Variants in PBX1 observed in about 807,000 individuals in gnomAD.
PBX1 encodes the protein PBX homeobox 1.
Under a neutral mutation model 53.4 loss-of-function variants are expected in PBX1, and 6 were observed. The ratio of observed to expected loss-of-function variants is 0.11; its 90% CI spans 0.06 to 0.22. The LOEUF (loss-of-function observed/expected upper bound fraction) is 0.22. Among genes scored for constraint, PBX1 ranks in the 10% least tolerant of loss-of-function variants. The pLI is 1.00. For missense variants in PBX1, 251 were observed against 551.4 expected (o/e 0.46, Z 5.46); for synonymous variants, 204 against 212.3 (o/e 0.96, Z 0.34).
intron 8 of PBX1, among the ~76,000 whole-genome samples, chr1:164,844,708 A>ATC (rs1419020289): frequency 2.6e-5 from 4 of 152,218 alleles, no homozygotes; most frequent in African/African-American, 9.6e-5. Context: ...TGGCACCAGA[A>ATC]TCTATATTCC....
intron 2 of PBX1, among the ~76,000 whole-genome samples, chr1:164,572,846 T>C (rs2101716504): frequency 6.6e-6 from 1 of 152,336 alleles, no homozygotes; most frequent in South Asian, 2.1e-4. Context: ...CAGTTTGGCC[T>C]TGTCGGTTCA....
intron 2 of PBX1, among the ~76,000 whole-genome samples, chr1:164,635,410 T>TA (rs1350036203): frequency 1.3e-5 from 2 of 152,178 alleles, no homozygotes; most frequent in African/African-American, 4.8e-5. Context: ...TGCGACTTAG[T>TA]AAAAATGACA....
rs535545542 is a variant in PBX1 at position 164,596,684 on chromosome 1, G to T, written c.265+33373G>T. On this transcript the variant is annotated intron_variant, in intron 2 of 8. Coordinates refer to ENST00000420696, the MANE Select transcript of PBX1 (RefSeq NM_002585.4). ...CAGAAGCTTCTGTTCCATTCATCCTGATTTTAGACACAGCATTTAACTTTT... is the reference window on the plus strand; with the variant it reads ...CAGAAGCTTCTGTTCCATTCATCCTTATTTTAGACACAGCATTTAACTTTT... Among the ~76,000 whole-genome samples, 3 of 152,254 alleles carry T rather than the reference G, an allele frequency of 2.0e-5. No homozygotes were observed. In the East Asian group the frequency reaches 5.8e-4, roughly 29 times the overall value.
At chr1:164,718,078 A>G (rs1394142873) in intron 2 of PBX1, among the ~76,000 whole-genome samples, 2 of 152,352 alleles carry the variant, frequency 1.3e-5, no homozygotes, top group African/African-American at 4.8e-5. Context: ...AAGGGGACAC[A>G]TGCTTTAAGT....
intron 2 of PBX1, among the ~76,000 whole-genome samples, chr1:164,718,400 A>T (rs1664227249): frequency 6.6e-6 from 1 of 152,160 alleles, no homozygotes; most frequent in African/African-American, 2.4e-5. Flanking sequence ...TTGAGGACAT[A>T]ACTCTGAGTG....
intron 2 of PBX1, among the ~76,000 whole-genome samples, chr1:164,717,807 G>A (rs1265737028): frequency 6.6e-6 from 1 of 152,166 alleles, no homozygotes; most frequent in Non-Finnish European, 1.5e-5. Context: ...AGAGCAGTAA[G>A]TGGTATTAAT....
At chr1:164,714,671 G>A (rs1663988481) in intron 2 of PBX1, among the ~76,000 whole-genome samples, 2 of 152,166 alleles carry the variant, frequency 1.3e-5, no homozygotes, top group African/African-American at 2.4e-5. Flanking sequence ...CATATTAAAC[G>A]TCATTCCCTT....
chr1:164,706,838 C>G (rs1663451634), intron 2 of PBX1, among the ~76,000 whole-genome samples: 1 of 152,156 alleles, frequency 6.6e-6, no homozygotes, highest in Admixed American at 6.5e-5. Flanking sequence ...TTCAAAGTCC[C>G]ACTTCCAGGT....
downstream of PBX1, among the ~76,000 whole-genome samples, chr1:164,853,330 A>T (rs967478904): frequency 6.6e-5 from 10 of 152,178 alleles, no homozygotes; most frequent in African/African-American, 9.7e-5. Flanking sequence ...ACAATTGCAC[A>T]CAGTAACTCT....
At position 164,848,693 on chromosome 1, in the gene PBX1, T is replaced by C; in HGVS notation, c.*2017T>C. The C allele has an allele frequency of 1.9e-6, 2 of 1,055,966 alleles. No individual in the cohort carries two copies. Among genetic ancestry groups the C allele is most frequent in the Non-Finnish European group, 2.3e-6 (2 of 873,360 alleles). 65.4% of individuals were successfully genotyped at this position (1,055,966 alleles called of 1,614,324 possible). On this transcript the variant is annotated 3_prime_UTR_variant, in exon 9 of 9. Coordinates refer to ENST00000420696, the MANE Select transcript of PBX1 (RefSeq NM_002585.4). ...TTGCACTTGAACCCAATATGTTGCC[T>C]TGTACATACTTGGTCCCTGTCACAT...
chr1:164,679,846 C>T (rs1474686209), intron 2 of PBX1, among the ~76,000 whole-genome samples: 1 of 152,022 alleles, frequency 6.6e-6, no homozygotes, highest in Admixed American at 6.6e-5. Context: ...CATTGATCAC[C>T]CCTCATTTTA....
At chr1:164,790,458 G>A (rs185376506) in intron 2 of PBX1, among the ~76,000 whole-genome samples, 27 of 152,272 alleles carry the variant, frequency 1.8e-4, no homozygotes, top group Non-Finnish European at 3.8e-4. Context: ...AGAAGATCAT[G>A]ACGTGGTAGT....
chr1:164,759,029 G>A (rs1392574288), intron 2 of PBX1, among the ~76,000 whole-genome samples: 2 of 152,192 alleles, frequency 1.3e-5, no homozygotes, highest in African/African-American at 2.4e-5. Flanking sequence ...TTTGGCTGGG[G>A]CTTCTGTGTG....
intron 2 of PBX1, among the ~76,000 whole-genome samples, chr1:164,611,506 G>A (rs1399933330): frequency 6.6e-6 from 1 of 152,154 alleles, no homozygotes; most frequent in African/African-American, 2.4e-5. Flanking sequence ...CCAAAGTGCT[G>A]GGATTACAGG....
At chr1:164,578,864 T>G (rs1654426865) in intron 2 of PBX1, among the ~76,000 whole-genome samples, 1 of 152,230 alleles carries the variant, frequency 6.6e-6, no homozygotes, top group Non-Finnish European at 1.5e-5. Flanking sequence ...CCTCAAGCAC[T>G]GTAACCTCCT....
intron 2 of PBX1, among the ~76,000 whole-genome samples, chr1:164,588,010 C>G (rs1390985322): frequency 6.6e-6 from 1 of 152,196 alleles, no homozygotes; most frequent in African/African-American, 2.4e-5. Context: ...GGATAGACAC[C>G]TGATCTTTTT....
At chr1:164,689,937 G>A (rs879524898) in intron 2 of PBX1, among the ~76,000 whole-genome samples, 3 of 151,798 alleles carry the variant, frequency 2.0e-5, no homozygotes, top group Non-Finnish European at 4.4e-5. Flanking sequence ...AATGTTTCTT[G>A]ATAGGAACAA....
chr1:164,844,111 CTTTCTTTTTTT>C (rs1323759561), intron 8 of PBX1, among the ~76,000 whole-genome samples: 10 of 119,932 alleles, frequency 8.3e-5, no homozygotes, highest in Non-Finnish European at 1.6e-4. Context: ...TTCTTTCTTT[CTTTCTTTTTTT>C]TTTTTTTTTT....
At chr1:164,836,817 A>G (rs1671062606) in intron 8 of PBX1, among the ~76,000 whole-genome samples, 1 of 152,184 alleles carries the variant, frequency 6.6e-6, no homozygotes, top group East Asian at 1.9e-4. Context: ...GTCACGGAAG[A>G]TAAGGGTTTT....
Sources: allele counts gnomAD v4.1 joint callset (sites outside exome capture counted in the v4.1 genomes callset), GRCh38; gene constraint gnomAD v4.1.1; transcripts MANE v1.5; gene names NCBI Gene and HGNC (gene_info 2026-07-23, HGNC 2026-07-21).